Variants in FAM222A observed in about 807,000 individuals in gnomAD.
FAM222A encodes the protein protein FAM222A.
A neutral mutation model predicts 25.8 loss-of-function variants in FAM222A; 7 were observed. The ratio of observed to expected loss-of-function variants is 0.27; its 90% CI spans 0.15 to 0.51. The LOEUF (loss-of-function observed/expected upper bound fraction) is 0.51, where lower values mean the gene tolerates loss of function less well. FAM222A is among the 20% of genes least tolerant of loss of function. FAM222A has a pLI of 0.97. For missense variants in FAM222A, 573 were observed against 640.5 expected (o/e 0.89, Z 1.14); for synonymous variants, 294 against 298.8 (o/e 0.98, Z 0.17).
intron 1 of FAM222A, among the ~76,000 whole-genome samples, chr12:109,740,188 C>T (rs911597770): frequency 5.9e-5 from 9 of 152,228 alleles, no homozygotes; most frequent in African/African-American, 2.2e-4. Context: ...CCTTTCCCCT[C>T]CCCTGTCACA....
At chr12:109,718,825 C>T (rs936761367) in intron 1 of FAM222A, among the ~76,000 whole-genome samples, 2 of 152,242 alleles carry the variant, frequency 1.3e-5, no homozygotes, top group African/African-American at 4.8e-5. Flanking sequence ...TGCCTAATGA[C>T]TATTTTAGTC....
Position 109,768,492 on chromosome 12 carries a change from G to T in FAM222A, c.563G>T (p.Gly188Val). 1 of 1,604,480 alleles carries T rather than the reference G, an allele frequency of 6.2e-7. No individual in the cohort carries two copies. Among genetic ancestry groups the T allele is most frequent in the South Asian group, 1.1e-5 (1 of 90,932 alleles). ...TCCGTCATCCCCCTGCCGGGCCGGG[G>T]CCTGCCCCTGCCACCTTCCAACCTG... ...AASVIPLPGR[G>V]LPLPPSNLPS... Residue 188 changes from glycine (G) to valine (V), a missense_variant, in exon 3 of 3, where the codon GGC becomes GTC. By Grantham distance (109) the Gly-to-Val change is moderately radical (BLOSUM62 -3). Transcript: ENST00000538780.
chr12:109,729,003 G>T (rs925748287), intron 1 of FAM222A, among the ~76,000 whole-genome samples: 2 of 150,394 alleles, frequency 1.3e-5, no homozygotes, highest in South Asian at 2.1e-4. Context: ...AGACAGCCAG[G>T]TACTGACAGG....
intron 1 of FAM222A, among the ~76,000 whole-genome samples, chr12:109,724,441 C>T (rs1887805553): frequency 6.6e-6 from 1 of 152,232 alleles, no homozygotes; most frequent in East Asian, 1.9e-4. Flanking sequence ...TCACAGACTC[C>T]CTTCTTCCCA....
chr12:109,756,137 A>AC (rs1471208040), intron 2 of FAM222A, among the ~76,000 whole-genome samples: 1 of 152,186 alleles, frequency 6.6e-6, no homozygotes, highest in Non-Finnish European at 1.5e-5. Flanking sequence ...TTTGTAGTTT[A>AC]CAGATTTTGA....
intron 2 of FAM222A, among the ~76,000 whole-genome samples, chr12:109,753,922 AG>A (rs1366424885): frequency 1.3e-5 from 2 of 152,210 alleles, no homozygotes; most frequent in East Asian, 3.9e-4. Flanking sequence ...GTGCAGCCTG[AG>A]GGATGGAAGG....
At chr12:109,762,109 A>C (rs1375939069) in intron 2 of FAM222A, among the ~76,000 whole-genome samples, 1 of 152,018 alleles carries the variant, frequency 6.6e-6, no homozygotes, top group Non-Finnish European at 1.5e-5. Context: ...TTTGCTGACC[A>C]CCCTGTCCAA....
At chr12:109,752,650 G>C (rs1888595146) in intron 2 of FAM222A, among the ~76,000 whole-genome samples, 1 of 152,174 alleles carries the variant, frequency 6.6e-6, no homozygotes. Flanking sequence ...GTAAAACAAG[G>C]GCTCAGATGA....
At chr12:109,765,783 G>A (rs181879457) in intron 2 of FAM222A, among the ~76,000 whole-genome samples, 43 of 152,328 alleles carry the variant, frequency 2.8e-4, no homozygotes, top group Admixed American at 2.0e-3. Context: ...CCCCAGCTGC[G>A]ATGCCAGTCC....
chr12:109,751,569 A>G (rs1888559930), intron 2 of FAM222A, among the ~76,000 whole-genome samples: 1 of 152,182 alleles, frequency 6.6e-6, no homozygotes, highest in Admixed American at 6.5e-5. Context: ...TGAGCTAACT[A>G]AAAATTTCCA....
chr12:109,721,166 T>C (rs1223855488), intron 1 of FAM222A, among the ~76,000 whole-genome samples: 1 of 152,014 alleles, frequency 6.6e-6, no homozygotes, highest in African/African-American at 2.4e-5. Flanking sequence ...AGCCTGATGA[T>C]GTGAAGCAGC....
intron 1 of FAM222A, among the ~76,000 whole-genome samples, chr12:109,731,815 C>G (rs1347352922): frequency 6.6e-6 from 1 of 152,068 alleles, no homozygotes; most frequent in Non-Finnish European, 1.5e-5. Context: ...GTGAAAAGAG[C>G]GGGGAGAGAC....
chr12:109,753,579 A>G (rs1276176234), intron 2 of FAM222A, among the ~76,000 whole-genome samples: 2 of 151,890 alleles, frequency 1.3e-5, no homozygotes, highest in Non-Finnish European at 2.9e-5. Flanking sequence ...AGCCTCTCCC[A>G]CAATATCCAT....
chr12:109,721,644 G>C (rs886160714), intron 1 of FAM222A, among the ~76,000 whole-genome samples: 1 of 152,268 alleles, frequency 6.6e-6, no homozygotes, highest in East Asian at 1.9e-4. Flanking sequence ...AGAGGACCAG[G>C]GGGGACAGCG....
chr12:109,723,850 C>G (rs1887794575), intron 1 of FAM222A, among the ~76,000 whole-genome samples: 1 of 152,226 alleles, frequency 6.6e-6, no homozygotes. Context: ...AGACAACTGA[C>G]AAATCCAGCC....
At chr12:109,758,691 C>T (rs1888803272) in intron 2 of FAM222A, among the ~76,000 whole-genome samples, 1 of 152,178 alleles carries the variant, frequency 6.6e-6, no homozygotes, top group Non-Finnish European at 1.5e-5. Context: ...CCTCTGCCAC[C>T]AGCTAATTAG....
chr12:109,724,914 C>T (rs997297065), intron 1 of FAM222A, among the ~76,000 whole-genome samples: 3 of 152,174 alleles, frequency 2.0e-5, no homozygotes, highest in Non-Finnish European at 4.4e-5. Context: ...GACACAGGCA[C>T]TTGGCTTGCC....
At chr12:109,740,896 G>A (rs1205196330) in intron 1 of FAM222A, among the ~76,000 whole-genome samples, 1 of 152,210 alleles carries the variant, frequency 6.6e-6, no homozygotes, top group Non-Finnish European at 1.5e-5. Flanking sequence ...GTGAGCCAGG[G>A]TCTGAAGACA....
rs965080171 is a variant in FAM222A, at chr12:109,723,006, G to T, written c.-47+8109G>T. ...TCCCAGCTTGGAGGGAGCGGGTGGGGGGGGGAGGGGGTATCAGGGCCTTAT... is the reference window on the plus strand; with the variant it reads ...TCCCAGCTTGGAGGGAGCGGGTGGGTGGGGGAGGGGGTATCAGGGCCTTAT... On this transcript the variant is annotated intron_variant, in intron 1 of 2. Transcript: ENST00000538780. 1.7e-4 allele frequency among the ~76,000 whole-genome samples: 25 copies of T among 150,640 alleles called. No homozygotes were observed. The East Asian group carries it at 3.0e-3, about 18-fold the overall frequency.
Sources: gnomAD v4.1 joint callset for allele counts (sites outside exome capture counted in the v4.1 genomes callset) on GRCh38, gnomAD v4.1.1 for gene constraint, MANE v1.5 for transcripts, NCBI Gene and HGNC (gene_info 2026-07-23, HGNC 2026-07-21) for gene names.